The following MYRIP variants were observed in gnomAD, a reference collection of about 807,000 sequenced individuals.
MYRIP encodes myosin VIIA and Rab interacting protein, also known as rab effector MyRIP.
Under a neutral mutation model 98.0 loss-of-function variants are expected in MYRIP, and 49 were observed. The observed-to-expected ratio is 0.50, with a 90% CI of 0.40 to 0.63. The LOEUF (loss-of-function observed/expected upper bound fraction) is 0.63. Ranked by LOEUF, MYRIP falls within the 30% of genes least tolerant of loss-of-function variation. MYRIP has a pLI of 0.00. For synonymous variants in MYRIP, 404 were observed against 409.5 expected, an observed-to-expected ratio of 0.99 and a Z score of 0.16; for missense variants, 1,004 against 1,058.2, an observed-to-expected ratio of 0.95 and a Z score of 0.71.
chr3:40,098,897 G>T (rs1345179541), intron 3 of MYRIP, among the ~76,000 whole-genome samples: 2 of 150,640 alleles, frequency 1.3e-5, no homozygotes, highest in Non-Finnish European at 3.0e-5. Flanking sequence ...TATTAAGAGG[G>T]TGTGTGGGTG....
intron 2 of MYRIP, among the ~76,000 whole-genome samples, chr3:39,901,330 C>CTGTA (rs2125671464): frequency 6.6e-6 from 1 of 152,326 alleles, no homozygotes; most frequent in East Asian, 1.9e-4. Flanking sequence ...CTCTCAGCTA[C>CTGTA]TGTAGCACAG....
chr3:40,018,161 C>T (rs901309340), intron 2 of MYRIP, among the ~76,000 whole-genome samples: 2 of 152,110 alleles, frequency 1.3e-5, no homozygotes, highest in Non-Finnish European at 2.9e-5. Flanking sequence ...TGGTCTCTGT[C>T]TCAACACTCT....
At chr3:40,181,272 A>G (rs1187310539) in intron 8 of MYRIP, among the ~76,000 whole-genome samples, 3 of 152,262 alleles carry the variant, frequency 2.0e-5, no homozygotes, top group East Asian at 3.9e-4. Context: ...AAAGCACCCC[A>G]TGGCCCTGCC....
intron 3 of MYRIP, among the ~76,000 whole-genome samples, chr3:40,142,396 A>T (rs762476555): frequency 5.3e-5 from 8 of 152,094 alleles, no homozygotes; most frequent in African/African-American, 1.9e-4. Context: ...AGAGATTATC[A>T]TGCTTAAATT....
At chr3:39,889,343 G>A (rs911798474) in intron 1 of MYRIP, among the ~76,000 whole-genome samples, 1 of 152,214 alleles carries the variant, frequency 6.6e-6, no homozygotes, top group Admixed American at 6.5e-5. Flanking sequence ...GGAATATTAT[G>A]CAGCCATAAA....
chr3:40,138,837 C>T (rs1208189946), intron 3 of MYRIP, among the ~76,000 whole-genome samples: 1 of 152,188 alleles, frequency 6.6e-6, no homozygotes, highest in Non-Finnish European at 1.5e-5. Context: ...TCAATACTCT[C>T]CTTCTAGCTA....
chr3:39,822,528 ATTC>A (rs1028005566), intron 1 of MYRIP, among the ~76,000 whole-genome samples: 2 of 152,076 alleles, frequency 1.3e-5, no homozygotes, highest in East Asian at 1.9e-4. Context: ...GCCCAAGACA[ATTC>A]TTCTTCCAAT....
At position 40,209,953 on chromosome 3, in the gene MYRIP, G is replaced by A. The variant is rs772207839; in HGVS notation, c.1765G>A (p.Glu589Lys). Residue 589 changes from glutamate to lysine, a missense_variant, in exon 11 of 17, where the codon GAG (glutamate) becomes AAG (lysine). Coordinates refer to ENST00000302541, the MANE Select transcript of MYRIP (RefSeq NM_015460.4). ...TEEKRRNRLY[E>K]LAMKMSEKET... Reference sequence around the variant, plus strand: ...GGAGAAACGGAGAAACAGGCTGTACGAGTTAGCAATGAAAATGAGTGAAAA... The same window carrying A: ...GGAGAAACGGAGAAACAGGCTGTACAAGTTAGCAATGAAAATGAGTGAAAA... The A allele has an allele frequency of 2.0e-5, 32 of 1,613,938 alleles. No individual in the cohort carries two copies. Among genetic ancestry groups the A allele is most frequent in the Non-Finnish European group, 2.5e-5 (30 of 1,179,958 alleles).
At chr3:40,150,929 C>A in intron 3 of MYRIP, 119 bp from the exon 4 acceptor site, 1 of 1,023,868 alleles carries the variant, frequency 9.8e-7, no homozygotes. Context: ...AAGGCCCGCC[C>A]AGATTCAAGG....
At chr3:40,108,621 G>T (rs1404940286) in intron 3 of MYRIP, among the ~76,000 whole-genome samples, 2 of 152,152 alleles carry the variant, frequency 1.3e-5, no homozygotes, top group African/African-American at 4.8e-5. Flanking sequence ...CAATGAGGAG[G>T]TTAAACACCT....
chr3:40,044,716 A>T (rs182976232), intron 3 of MYRIP, among the ~76,000 whole-genome samples: 2 of 152,306 alleles, frequency 1.3e-5, no homozygotes, highest in East Asian at 3.9e-4. Flanking sequence ...TCATATGTGG[A>T]GATACATGCC....
At chr3:39,838,695 T>G (rs1941701786) in intron 1 of MYRIP, among the ~76,000 whole-genome samples, 1 of 152,100 alleles carries the variant, frequency 6.6e-6, no homozygotes, top group Non-Finnish European at 1.5e-5. Context: ...CTCTGCCAGG[T>G]TTTCGTATCA....
At chr3:40,175,734 C>T (rs973979326) in intron 8 of MYRIP, among the ~76,000 whole-genome samples, 1 of 152,240 alleles carries the variant, frequency 6.6e-6, no homozygotes, top group Non-Finnish European at 1.5e-5. Flanking sequence ...TTTACCTGGC[C>T]CTAATGCCCT....
chr3:40,047,949 T>C (rs1947705023), intron 3 of MYRIP, among the ~76,000 whole-genome samples: 1 of 152,210 alleles, frequency 6.6e-6, no homozygotes, highest in Admixed American at 6.5e-5. Flanking sequence ...ATTTAAGGAT[T>C]ACGTGACTTG....
chr3:39,958,853 A>G (rs1945244538), intron 2 of MYRIP, among the ~76,000 whole-genome samples: 1 of 152,194 alleles, frequency 6.6e-6, no homozygotes. Context: ...ACCCCATCAA[A>G]AAGTGGGTGA....
chr3:39,885,837 T>A (rs1183335891), intron 1 of MYRIP, among the ~76,000 whole-genome samples: 1 of 152,130 alleles, frequency 6.6e-6, no homozygotes, highest in Admixed American at 6.6e-5. Context: ...AGCCTTGGTT[T>A]TCAGCTCCAT....
At chr3:39,972,522 G>A (rs952844869) in intron 2 of MYRIP, among the ~76,000 whole-genome samples, 2 of 152,014 alleles carry the variant, frequency 1.3e-5, no homozygotes, top group Admixed American at 6.6e-5. Flanking sequence ...TAAGACTACA[G>A]ATTATGCTGC....
At chr3:40,033,382 CAAA>C (rs1031348759) in intron 2 of MYRIP, among the ~76,000 whole-genome samples, 1 of 151,968 alleles carries the variant, frequency 6.6e-6, no homozygotes, top group African/African-American at 2.4e-5. Flanking sequence ...TGTCAGGATA[CAAA>C]ATCAATGTAC....
intron 13 of MYRIP, among the ~76,000 whole-genome samples, chr3:40,245,295 A>C (rs947914376): frequency 1.3e-5 from 2 of 152,108 alleles, no homozygotes; most frequent in African/African-American, 4.8e-5. Flanking sequence ...TAAGCCACTG[A>C]TTTTCAAACT....
Sources: allele counts gnomAD v4.1 joint callset (sites outside exome capture counted in the v4.1 genomes callset), GRCh38; gene constraint gnomAD v4.1.1; transcripts MANE v1.5; gene names NCBI Gene and HGNC (gene_info 2026-07-23, HGNC 2026-07-21).